LRP12: variants seen among roughly 807,000 people sequenced by gnomAD.
LRP12 encodes LDL receptor related protein 12.
A neutral mutation model predicts 66.0 loss-of-function variants in LRP12; 14 were observed. The ratio of observed to expected loss-of-function variants is 0.21; its 90% CI spans 0.14 to 0.33. The LOEUF (loss-of-function observed/expected upper bound fraction) is 0.33, where lower values mean the gene tolerates loss of function less well. Ranked by LOEUF, LRP12 falls within the 10% of genes least tolerant of loss-of-function variation. LRP12 has a pLI of 1.00. For missense variants in LRP12, 889 were observed against 1,053.4 expected (o/e 0.84, Z 2.16); for synonymous variants, 357 against 359.1 (o/e 0.99, Z 0.07).
intron 1 of LRP12, among the ~76,000 whole-genome samples, chr8:104,565,240 A>AT (rs1434686292): frequency 6.6e-6 from 1 of 152,170 alleles, no homozygotes; most frequent in Non-Finnish European, 1.5e-5. Flanking sequence ...CACAATAAGT[A>AT]TTTTAGAATA....
intron 2 of LRP12, among the ~76,000 whole-genome samples, chr8:104,522,757 T>C (rs1191840480): frequency 6.6e-6 from 1 of 152,152 alleles, no homozygotes; most frequent in Non-Finnish European, 1.5e-5. Context: ...AGGCTAGTTT[T>C]TGCCTAACTA....
At chr8:104,523,059 C>T (rs544360211) in intron 2 of LRP12, among the ~76,000 whole-genome samples, 1 of 152,102 alleles carries the variant, frequency 6.6e-6, no homozygotes, top group South Asian at 2.1e-4. Flanking sequence ...ATTTCACTTT[C>T]AGAAATGTAT....
Position 104,529,981 on chromosome 8 carries a change from T to A in LRP12, c.136+1926A>T, listed in dbSNP as rs1452410715. Among the ~76,000 whole-genome samples the A allele has an allele frequency of 2.6e-5, 4 of 151,478 alleles. No individual in the cohort carries two copies. In the East Asian group the frequency reaches 7.7e-4, roughly 29 times the overall value. Reference sequence around the variant, plus strand: ...AAACATGATGTTGCAAAAGACTGAATGCGGAAACAGATATGAGAATCTAGC... The same window carrying A: ...AAACATGATGTTGCAAAAGACTGAAAGCGGAAACAGATATGAGAATCTAGC... On this transcript the variant is annotated intron_variant, in intron 2 of 6. Transcript: ENST00000276654.
In LRP12 at chr8:104,508,949, T is replaced by C; in HGVS notation, c.262A>G (p.Ile88Val). The change falls in exon 3 of 7, where the codon ATT becomes GTT. Residue 88 changes from isoleucine to valine, a missense_variant. By Grantham distance (29) the Ile-to-Val change is conservative. This residue lies in a region of LRP12 where 800 missense variants were observed against 964.5 expected (regional missense o/e 0.83). Coordinates refer to ENST00000276654, the MANE Select transcript of LRP12 (RefSeq NM_013437.5). The stretch of plus-strand genomic sequence containing the variant: ...GAAAGGTAGAATTACCTTATAGTAA[T>C]GATTTCGCCTGGGTTTGCCCTTATG... Reference protein sequence around the residue: ...WFIRANPGEIITISFQDFDIQ... With the variant: ...WFIRANPGEIVTISFQDFDIQ... 1.2e-6 allele frequency: 2 copies of C among 1,612,728 alleles called. No individual in the cohort carries two copies. The highest frequency in any genetic ancestry group is 1.7e-6 in the Non-Finnish European group (2 of 1,179,116).
At chr8:104,503,999 A>G (rs1288884291) in intron 3 of LRP12, among the ~76,000 whole-genome samples, 1 of 152,130 alleles carries the variant, frequency 6.6e-6, no homozygotes, top group Non-Finnish European at 1.5e-5. Context: ...TCATTTAGTA[A>G]AACTTGCCTA....
intron 1 of LRP12, among the ~76,000 whole-genome samples, chr8:104,541,505 ATATTT>A (rs1811475665): frequency 6.6e-6 from 1 of 152,214 alleles, no homozygotes; most frequent in South Asian, 2.1e-4. Flanking sequence ...TTATTGAAAG[ATATTT>A]TATATCACGA....
At chr8:104,579,126 A>G (rs11775331) in intron 1 of LRP12, among the ~76,000 whole-genome samples, 9,507 of 152,238 alleles carry the variant, frequency 0.062, 352 homozygotes, top group South Asian at 0.08. Context: ...AAATAGGAAG[A>G]GAGGATGTCA....
rs1588516079 is a variant in LRP12 at position 104,589,083 on chromosome 8, C to T, written c.-186G>A. 29 of 278,364 alleles carry T rather than the reference C, an allele frequency of 1.0e-4. 2 individuals carry two copies. In the East Asian group the frequency reaches 2.2e-3, roughly 21 times the overall value. The allele number at this position is 278,364 out of a possible 1,614,324, so 17.2% of individuals were successfully genotyped here. ...CGCCGCCCGCGCGCGCTCCCTCCTCCCTCCTCCCTCCGGCTCGCCTGCTCC... is the reference window on the plus strand; with the variant it reads ...CGCCGCCCGCGCGCGCTCCCTCCTCTCTCCTCCCTCCGGCTCGCCTGCTCC... On this transcript the variant is annotated 5_prime_UTR_variant, in exon 1 of 7. Transcript: ENST00000276654.
chr8:104,526,670 CA>C (rs1811244500), intron 2 of LRP12, among the ~76,000 whole-genome samples: 1 of 143,400 alleles, frequency 7.0e-6, no homozygotes, highest in South Asian at 2.3e-4. Flanking sequence ...ACACCTTATA[CA>C]AAAATCAATT....
chr8:104,557,957 C>T (rs558395565), intron 1 of LRP12, among the ~76,000 whole-genome samples: 2 of 152,230 alleles, frequency 1.3e-5, no homozygotes, highest in African/African-American at 4.8e-5. Context: ...CTCCTGTAAT[C>T]CCACCACTCT....
At position 104,497,386 on chromosome 8, in the gene LRP12, T is replaced by A. The variant is rs746064316; in HGVS notation, c.1166A>T (p.Tyr389Phe). 7.6e-5 allele frequency: 122 copies of A among 1,613,916 alleles called. No homozygotes were observed. The highest frequency in any genetic ancestry group is 9.7e-5 in the Non-Finnish European group (115 of 1,179,950). Reference sequence around the variant, plus strand: ...CCCATCACAACGCTGCTGCTCAGTATAACACCCCCAGTTACCTCCACAGGG... The same window carrying A: ...CCCATCACAACGCTGCTGCTCAGTAAAACACCCCCAGTTACCTCCACAGGG... ...EIPCGGNWGC[Y>F]TEQQRCDGYW... Residue 389 changes from tyrosine (Y) to phenylalanine (F), a missense_variant, in exon 5 of 7, where the codon TAT becomes TTT. Physicochemically the swap from Tyr to Phe is conservative, Grantham distance 22 (BLOSUM62 3). Around this residue, in one of 3 missense-constraint regions of LRP12, gnomAD observed 800 missense variants for 964.5 expected, o/e 0.83. Coordinates refer to ENST00000276654, the MANE Select transcript of LRP12 (RefSeq NM_013437.5). This position sits in a 1 kb window ranked among gnomAD's most constrained non-coding sequence, Gnocchi z 4.3.
chr8:104,553,577 G>A (rs902917011), intron 1 of LRP12, among the ~76,000 whole-genome samples: 4 of 152,128 alleles, frequency 2.6e-5, no homozygotes, highest in Non-Finnish European at 5.9e-5. Context: ...CCCCACAGCA[G>A]CTGCAGCAAG....
At position 104,499,514 on chromosome 8, in the gene LRP12, T is replaced by A. The variant is rs1229982738; in HGVS notation, c.278A>T (p.Gln93Leu). Residue 93 changes from glutamine (Q) to leucine (L), a missense_variant, in exon 4 of 7, where the codon CAG (glutamine) becomes CTG (leucine). Physicochemically the swap from Gln to Leu is moderately radical, Grantham distance 113 (BLOSUM62 -2). Transcript: ENST00000276654. The part of the protein sequence containing the change: ...NPGEIITISF[Q>L]DFDIQGSRRC... The stretch of plus-strand genomic sequence containing the variant: ...TCTGGATCCTTGAATATCAAAATCC[T>A]GAAAACTGAAAAAAAAATCAGAAAT... 6.3e-7 allele frequency: 1 copy of A among 1,580,178 alleles called. No homozygotes were observed. Among genetic ancestry groups the A allele is most frequent in the Non-Finnish European group, 8.6e-7 (1 of 1,169,144 alleles).
At chr8:104,584,049 G>A (rs1434258244) in intron 1 of LRP12, among the ~76,000 whole-genome samples, 1 of 151,902 alleles carries the variant, frequency 6.6e-6, no homozygotes, top group East Asian at 1.9e-4. Flanking sequence ...AGATACATTG[G>A]TAATTTGTAT....
chr8:104,530,975 G>A (rs924081562), intron 2 of LRP12, among the ~76,000 whole-genome samples: 1 of 152,106 alleles, frequency 6.6e-6, no homozygotes, highest in African/African-American at 2.4e-5. Context: ...TAGGCTTGTT[G>A]GGCTTGATGT....
intron 1 of LRP12, among the ~76,000 whole-genome samples, chr8:104,552,149 A>T (rs1240137263): frequency 6.6e-6 from 1 of 152,224 alleles, no homozygotes; most frequent in Non-Finnish European, 1.5e-5. Flanking sequence ...ACTGTCTTTC[A>T]AAATGTTTGG....
chr8:104,584,911 C>T (rs562116646), intron 1 of LRP12, among the ~76,000 whole-genome samples: 24 of 152,200 alleles, frequency 1.6e-4, no homozygotes, highest in South Asian at 6.2e-4. Context: ...ACCCTTAAAC[C>T]AGTTATTAAG....
chr8:104,556,659 G>T (rs1811814151), intron 1 of LRP12, among the ~76,000 whole-genome samples: 1 of 152,170 alleles, frequency 6.6e-6, no homozygotes, highest in Non-Finnish European at 1.5e-5. Flanking sequence ...AGACCAGACG[G>T]ATTCACAGCT....
rs1588483262 is a variant in LRP12 at position 104,499,322 on chromosome 8, A to G, written c.470T>C (p.Phe157Ser). ...TTTCTTATTTAAAAACACACCTGAAAAATATGCCAGTCTGAAACCCTTTCT... is the reference window on the plus strand; with the variant it reads ...TTTCTTATTTAAAAACACACCTGAAGAATATGCCAGTCTGAAACCCTTTCT... ...ISRKGFRLAYFSGKSEEPNCA... is the reference protein window; with the variant it reads ...ISRKGFRLAYSSGKSEEPNCA... Residue 157 changes from phenylalanine (F) to serine (S), a missense_variant, in exon 4 of 7, where the codon TTT (phenylalanine) becomes TCT (serine). Phe to Ser is a radical substitution (Grantham distance 155). This residue lies in a region of LRP12 where 800 missense variants were observed against 964.5 expected (regional missense o/e 0.83). Transcript: ENST00000276654. 1 of 1,610,194 alleles carries G rather than the reference A, an allele frequency of 6.2e-7. No individual in the cohort carries two copies. The highest frequency in any genetic ancestry group is 2.2e-5 in the East Asian group (1 of 44,812).
Sources: allele counts gnomAD v4.1 joint callset (sites outside exome capture counted in the v4.1 genomes callset), GRCh38; gene constraint gnomAD v4.1.1; regional missense constraint gnomAD v4.1.1; non-coding constraint Gnocchi (gnomAD v3.1); transcripts MANE v1.5; gene names NCBI Gene and HGNC (gene_info 2026-07-23, HGNC 2026-07-21).